Variants in PCSK5 observed in about 807,000 individuals in gnomAD.
The protein encoded by PCSK5 is prohormone convertase 5.
PCSK5 carries 129 observed loss-of-function variants against 233.2 expected under a neutral mutation model. The ratio of observed to expected loss-of-function variants is 0.55; its 90% CI spans 0.48 to 0.64. The LOEUF is 0.64. PCSK5 is among the 30% of genes least tolerant of loss of function. The probability of loss-of-function intolerance (pLI) is 0.00; values close to 1 mark genes in which losing one functional copy is unlikely to be tolerated. For missense variants in PCSK5, 2,076 were observed against 2,430.1 expected (o/e 0.85, Z 3.06); for synonymous variants, 825 against 879.2 (o/e 0.94, Z 1.09).
intron 24 of PCSK5, among the ~76,000 whole-genome samples, chr9:76,247,906 T>A (rs1413283455): frequency 6.6e-6 from 1 of 151,968 alleles, no homozygotes; most frequent in Admixed American, 6.6e-5. Context: ...TGCCTCAGCC[T>A]CCCAAGTAGC....
At chr9:76,054,949 A>G (rs1052320401) in intron 5 of PCSK5, among the ~76,000 whole-genome samples, 1 of 152,222 alleles carries the variant, frequency 6.6e-6, no homozygotes, top group African/African-American at 2.4e-5. Flanking sequence ...AATGCTAATT[A>G]TCAATAGTGA....
intron 3 of PCSK5, among the ~76,000 whole-genome samples, chr9:76,021,583 T>C (rs1240541215): frequency 6.6e-6 from 1 of 152,106 alleles, no homozygotes; most frequent in African/African-American, 2.4e-5. Flanking sequence ...CAAATGTTCA[T>C]AAAAATGTAG....
At chr9:76,124,219 C>A (rs1164401079) in intron 9 of PCSK5, among the ~76,000 whole-genome samples, 1 of 152,046 alleles carries the variant, frequency 6.6e-6, no homozygotes, top group Non-Finnish European at 1.5e-5. Context: ...CCTTTCTAAG[C>A]CTTAGTTTCC....
intron 21 of PCSK5, among the ~76,000 whole-genome samples, chr9:76,231,141 A>T (rs1027161169): frequency 1.3e-5 from 2 of 152,150 alleles, no homozygotes; most frequent in African/African-American, 4.8e-5. Flanking sequence ...GGAATCTTAC[A>T]ATCATGGCAG....
intron 24 of PCSK5, 22 bp downstream of exon 24, chr9:76,240,706 C>G: frequency 6.5e-7 from 1 of 1,526,958 alleles, no homozygotes; most frequent in Non-Finnish European, 9.0e-7. Flanking sequence ...TCCTTTGTCA[C>G]CTAAAGAGTT....
chr9:76,253,222 C>T (rs1277996114), intron 24 of PCSK5, among the ~76,000 whole-genome samples: 6 of 151,670 alleles, frequency 4.0e-5, no homozygotes, highest in Non-Finnish European at 7.4e-5. Flanking sequence ...GGGGAAGGGA[C>T]ATTCAGGATG....
intron 16 of PCSK5, among the ~76,000 whole-genome samples, chr9:76,181,957 G>GT (rs1358242194): frequency 6.6e-6 from 1 of 152,172 alleles, no homozygotes; most frequent in Non-Finnish European, 1.5e-5. Context: ...GCAACAATGC[G>GT]TGACGACGTG....
In PCSK5 at chr9:76,181,599, C is replaced by G. The variant is rs373031636; in HGVS notation, c.2197+8C>G. 2.1e-5 allele frequency: 34 copies of G among 1,593,846 alleles called. No individual in the cohort carries two copies. Among genetic ancestry groups the G allele is most frequent in the Non-Finnish European group, 2.9e-5 (34 of 1,165,132 alleles). On this transcript the variant is annotated splice_region_variant and intron_variant, in intron 16 of 37. Coordinates refer to ENST00000674117, the MANE Select transcript of PCSK5 (RefSeq NM_001372043.1). ...GGTCATATCAGGATACCAGTAAGCT[C>G]ACTTCAAATACTTGGGTTTTAGAGA...
intron 24 of PCSK5, among the ~76,000 whole-genome samples, chr9:76,289,609 GCTGA>G (rs1043878870): frequency 6.6e-6 from 1 of 150,498 alleles, no homozygotes; most frequent in African/African-American, 2.5e-5. Context: ...TAAATGCCAA[GCTGA>G]CTTAGAGTCA....
At chr9:75,965,490 C>T (rs1308133865) in intron 2 of PCSK5, among the ~76,000 whole-genome samples, 1 of 152,180 alleles carries the variant, frequency 6.6e-6, no homozygotes, top group Non-Finnish European at 1.5e-5. Flanking sequence ...AAGACCAGTG[C>T]CCCAGCTCAT....
chr9:76,093,105 T>TC lies in PCSK5; in HGVS notation c.895-2783dup, dbSNP rs1167643932. On this transcript the variant is annotated intron_variant, in intron 7 of 37. Coordinates refer to ENST00000674117, the MANE Select transcript of PCSK5 (RefSeq NM_001372043.1). ...CTTTTTTTTTTTTTTTTTTTTTTTT[T>TC]CCAGATACAGGGTCTTGCTTGCTGT... Among the ~76,000 whole-genome samples, 65 of 122,106 alleles carry TC rather than the reference T, an allele frequency of 5.3e-4. No homozygotes were observed. The East Asian group carries it at 7.9e-3, about 15-fold the overall frequency. 80.1% of individuals were successfully genotyped at this position (122,106 alleles called of 152,430 possible). A position where few individuals can be genotyped will look rare whatever the true frequency, so the allele number is the denominator to read the frequency against.
In PCSK5 at chr9:76,089,605, T is replaced by A. The variant is rs143065008; in HGVS notation, c.895-6285T>A. Among the ~76,000 whole-genome samples the A allele has an allele frequency of 3.5e-4, 53 of 152,388 alleles. 1 individual carries two copies. In the South Asian group the frequency reaches 0.011, roughly 30 times the overall value. On this transcript the variant is annotated intron_variant, in intron 7 of 37. Coordinates refer to ENST00000674117, the MANE Select transcript of PCSK5 (RefSeq NM_001372043.1). ...CCAGGCACATATTAATATATGCTACTATCTCTCTTACTCCTTTTTATATCA... is the reference window on the plus strand; with the variant it reads ...CCAGGCACATATTAATATATGCTACAATCTCTCTTACTCCTTTTTATATCA...
At chr9:76,301,346 G>A (rs1828593261) in intron 27 of PCSK5, among the ~76,000 whole-genome samples, 1 of 151,902 alleles carries the variant, frequency 6.6e-6, no homozygotes, top group Non-Finnish European at 1.5e-5. Flanking sequence ...AAGGGAAATG[G>A]CCCTGGAAAA....
rs1830103692 is a variant in PCSK5 at position 76,350,859 on chromosome 9, G to A, written c.4998G>A (p.Val1666=). The A allele has an allele frequency of 2.5e-6, 4 of 1,608,106 alleles. No homozygotes were observed. Among genetic ancestry groups the A allele is most frequent in the Non-Finnish European group, 3.4e-6 (4 of 1,176,000 alleles). Residue 1666 remains valine (V), a synonymous_variant, in exon 36 of 38, where the codon GTG becomes GTA. Transcript: ENST00000674117. ...GAGCGTTGAATTGTTTATCCTGTGT[G>A]TGGAGTTACCACCTCATGGGAGGGA... ...GKGALNCLSC[V]WSYHLMGGIC...
At chr9:75,932,509 C>T (rs375240419) in intron 2 of PCSK5, 26 bp downstream of exon 2, 109 of 1,343,060 alleles carry the variant, frequency 8.1e-5, no homozygotes, top group Non-Finnish European at 1.1e-4. Context: ...TGCGTGGGGA[C>T]CAAGAGGCAA....
At chr9:75,998,979 T>G (rs7870046) in intron 3 of PCSK5, among the ~76,000 whole-genome samples, 19,966 of 152,214 alleles carry the variant, frequency 0.13, 1,435 homozygotes, top group Middle Eastern at 0.21. Flanking sequence ...ATCTAAAAAT[T>G]TTTTCTTTGT....
At chr9:76,206,501 T>TC (rs1458111835) in intron 20 of PCSK5, among the ~76,000 whole-genome samples, 1 of 152,140 alleles carries the variant, frequency 6.6e-6, no homozygotes, top group Non-Finnish European at 1.5e-5. Flanking sequence ...GGTGCAACTC[T>TC]CCTTAACAGG....
At chr9:76,194,835 T>G (rs1012057732) in intron 20 of PCSK5, 1 of 439,744 alleles carries the variant, frequency 2.3e-6, no homozygotes, top group South Asian at 1.7e-5. Flanking sequence ...CCAGCCATCT[T>G]GCAGGCTTCA....
intron 25 of PCSK5, among the ~76,000 whole-genome samples, chr9:76,293,512 C>T (rs1424873384): frequency 1.3e-5 from 2 of 152,268 alleles, no homozygotes; most frequent in Middle Eastern, 3.4e-3. Flanking sequence ...TGCAGTGGCA[C>T]GATGTCAGCT....
Sources: gnomAD v4.1 joint callset for allele counts (sites outside exome capture counted in the v4.1 genomes callset) on GRCh38, gnomAD v4.1.1 for gene constraint, MANE v1.5 for transcripts, NCBI Gene and HGNC (gene_info 2026-07-23, HGNC 2026-07-21) for gene names.